Variants in PARD3 observed in about 807,000 individuals in gnomAD.
The protein encoded by PARD3 is par-3 family cell polarity regulator.
A neutral mutation model predicts 155.4 loss-of-function variants in PARD3; 75 were observed. The ratio of observed to expected loss-of-function variants is 0.48; its 90% CI spans 0.40 to 0.58. The LOEUF (loss-of-function observed/expected upper bound fraction) is 0.58, where lower values mean the gene tolerates loss of function less well. Ranked by LOEUF, PARD3 falls within the 20% of genes least tolerant of loss-of-function variation. The pLI, the probability that PARD3 is intolerant of heterozygous loss-of-function variation, is 0.00. For missense variants in PARD3, 1,642 were observed against 1,721.7 expected (o/e 0.95, Z 0.82); for synonymous variants, 576 against 610.5 (o/e 0.94, Z 0.83).
intron 4 of PARD3, among the ~76,000 whole-genome samples, chr10:34,467,517 A>G (rs1490577413): frequency 6.6e-6 from 1 of 152,022 alleles, no homozygotes; most frequent in Non-Finnish European, 1.5e-5. Flanking sequence ...GGACGCTGAG[A>G]TGGGAGGAAC....
At chr10:34,261,317 T>C (rs1954946737) in intron 22 of PARD3, among the ~76,000 whole-genome samples, 1 of 152,178 alleles carries the variant, frequency 6.6e-6, no homozygotes, top group South Asian at 2.1e-4. Context: ...ATTTCTTTGT[T>C]AAGAATTTAA....
intron 12 of PARD3, among the ~76,000 whole-genome samples, chr10:34,363,030 C>A (rs1839607991): frequency 6.6e-6 from 1 of 152,142 alleles, no homozygotes; most frequent in African/African-American, 2.4e-5. Flanking sequence ...CAAGAATATT[C>A]TTTCTATGGA....
chr10:34,381,527 T>C lies in PARD3; in HGVS notation c.1399+1013A>G, dbSNP rs1841823073. 2.0e-5 allele frequency among the ~76,000 whole-genome samples: 3 copies of C among 152,112 alleles called. No individual in the cohort carries two copies. In the South Asian group the frequency reaches 6.2e-4, roughly 31 times the overall value. On this transcript the variant is annotated intron_variant, in intron 9 of 24. Coordinates refer to ENST00000374788, the MANE Select transcript of PARD3 (RefSeq NM_001184785.2). The stretch of plus-strand genomic sequence containing the variant: ...TTGAAGGAGGCAAACTGCAAGAACA[T>C]GCTCTCTATACAGAGATCCACTGTA...
At chr10:34,168,173 T>C (rs879030529) in intron 22 of PARD3, among the ~76,000 whole-genome samples, 1 of 152,216 alleles carries the variant, frequency 6.6e-6, no homozygotes, top group Non-Finnish European at 1.5e-5. Flanking sequence ...GAAGCTTAAA[T>C]ATTTTATGAA....
At position 34,725,104 on chromosome 10, in the gene PARD3, T is replaced by TG. The variant is rs1491583909; in HGVS notation, c.121-28686_121-28685insC. Among the ~76,000 whole-genome samples the TG allele has an allele frequency of 7.2e-3, 814 of 112,632 alleles. 10 individuals are homozygous for TG. Among genetic ancestry groups the TG allele is most frequent in the African/African-American group, 0.028 (757 of 27,518 alleles). 73.9% of individuals were successfully genotyped at this position (112,632 alleles called of 152,430 possible). A position where few individuals can be genotyped will look rare whatever the true frequency, so the allele number is the denominator to read the frequency against. On this transcript the variant is annotated intron_variant, in intron 1 of 24. Coordinates refer to ENST00000374788, the MANE Select transcript of PARD3 (RefSeq NM_001184785.2). Reference sequence around the variant, plus strand: ...TTAAAAGGATTGAATGAGTCAAAACTTTGTGTGTGTGTGTGTGTGTGTGTG... The same window carrying TG: ...TTAAAAGGATTGAATGAGTCAAAACTGTTGTGTGTGTGTGTGTGTGTGTGTG...
At chr10:34,814,620 G>A (rs1270462673) in intron 1 of PARD3, among the ~76,000 whole-genome samples, 1 of 151,894 alleles carries the variant, frequency 6.6e-6, no homozygotes, top group Non-Finnish European at 1.5e-5. Flanking sequence ...GCGCTACCGA[G>A]GCCGGAGCTC....
At chr10:34,472,952 C>T (rs2078450850) in intron 3 of PARD3, among the ~76,000 whole-genome samples, 1 of 152,168 alleles carries the variant, frequency 6.6e-6, no homozygotes, top group Non-Finnish European at 1.5e-5. Context: ...CTGCAACAGA[C>T]AGACAAAAAT....
chr10:34,307,850 T>C (rs1361021326), intron 20 of PARD3, among the ~76,000 whole-genome samples: 1 of 152,160 alleles, frequency 6.6e-6, no homozygotes, highest in South Asian at 2.1e-4. Flanking sequence ...TCTGTCAATG[T>C]CAATGTATAT....
chr10:34,523,812 A>C (rs534909447), intron 2 of PARD3, among the ~76,000 whole-genome samples: 2 of 152,254 alleles, frequency 1.3e-5, no homozygotes, highest in Non-Finnish European at 2.9e-5. Flanking sequence ...AGGCTGTTCC[A>C]TGATGTATAA....
rs543835281 is a variant in PARD3 at position 34,693,761 on chromosome 10, G to A, written c.222+2557C>T. On this transcript the variant is annotated intron_variant, in intron 2 of 24. Coordinates refer to ENST00000374788, the MANE Select transcript of PARD3 (RefSeq NM_001184785.2). Reference sequence around the variant, plus strand: ...CAGGAGGATCACTTGAACCTGGGAGGTTGAGGCTGCAGTGAGCTATAATTA... The same window carrying A: ...CAGGAGGATCACTTGAACCTGGGAGATTGAGGCTGCAGTGAGCTATAATTA... Among the ~76,000 whole-genome samples the A allele has an allele frequency of 1.4e-4, 21 of 152,214 alleles. No homozygotes were observed. In the South Asian group the frequency reaches 3.5e-3, roughly 26 times the overall value.
intron 5 of PARD3, among the ~76,000 whole-genome samples, chr10:34,431,568 C>T (rs187537653): frequency 4.6e-5 from 7 of 151,786 alleles, no homozygotes; most frequent in Admixed American, 4.6e-4. Context: ...TGGTGAAACC[C>T]TGTCTCTTCT....
intron 23 of PARD3, among the ~76,000 whole-genome samples, chr10:34,121,086 G>A (rs60181617): frequency 0.04 from 6,013 of 151,242 alleles, 394 homozygotes; most frequent in African/African-American, 0.13. Flanking sequence ...AAGGAAAAAC[G>A]AAAAGAAAGA....
intron 12 of PARD3, among the ~76,000 whole-genome samples, chr10:34,365,160 G>T (rs1444108272): frequency 6.6e-6 from 1 of 152,216 alleles, no homozygotes; most frequent in East Asian, 1.9e-4. Context: ...ATTACTTTTA[G>T]TGATATGGCC....
chr10:34,783,674 TAC>T (rs1840563754), intron 1 of PARD3, among the ~76,000 whole-genome samples: 1 of 148,274 alleles, frequency 6.7e-6, no homozygotes, highest in Non-Finnish European at 1.5e-5. Context: ...CAAGTGATTA[TAC>T]AGTTTTGTCA....
chr10:34,357,495 T>A lies in PARD3; in HGVS notation c.2067+1652A>T, dbSNP rs549306258. On this transcript the variant is annotated intron_variant, in intron 14 of 24. Transcript: ENST00000374788. Reference sequence around the variant, plus strand: ...CAAAATAAAAAGGCCTAAAAGAGAATGATATGTTTTGTAAACTTACAGTTG... The same window carrying A: ...CAAAATAAAAAGGCCTAAAAGAGAAAGATATGTTTTGTAAACTTACAGTTG... Among the ~76,000 whole-genome samples, 4 of 152,296 alleles carry A rather than the reference T, an allele frequency of 2.6e-5. No homozygotes were observed. The East Asian group carries it at 7.7e-4, about 29-fold the overall frequency.
chr10:34,346,183 C>A, intron 15 of PARD3: 1 of 1,098,814 alleles, frequency 9.1e-7, no homozygotes, highest in South Asian at 2.5e-5. Flanking sequence ...GAAGAGGAAA[C>A]AATGTCAACT....
At chr10:34,211,493 A>T (rs1951747300) in intron 22 of PARD3, among the ~76,000 whole-genome samples, 1 of 152,202 alleles carries the variant, frequency 6.6e-6, no homozygotes, top group South Asian at 2.1e-4. Context: ...TCTAGTTAGA[A>T]AATGGAGGCC....
chr10:34,573,731 AC>A (rs879347695), intron 2 of PARD3, among the ~76,000 whole-genome samples: 77,927 of 112,960 alleles, frequency 0.69, 23,967 homozygotes, highest in Middle Eastern at 0.75. Flanking sequence ...AAACAAACAA[AC>A]AAAAACACAC....
intron 22 of PARD3, among the ~76,000 whole-genome samples, chr10:34,254,182 C>T (rs911014103): frequency 6.6e-6 from 1 of 152,130 alleles, no homozygotes; most frequent in Admixed American, 6.5e-5. Flanking sequence ...GCGTTCGAGA[C>T]CAGCCTGGCC....
Sources: gnomAD v4.1 joint callset for allele counts (sites outside exome capture counted in the v4.1 genomes callset) on GRCh38, gnomAD v4.1.1 for gene constraint, MANE v1.5 for transcripts, NCBI Gene and HGNC (gene_info 2026-07-23, HGNC 2026-07-21) for gene names.